ADAM12: variants seen among roughly 807,000 people sequenced by gnomAD.
ADAM12 encodes ADAM metallopeptidase domain 12, also known as disintegrin and metalloproteinase domain-containing protein 12.
Under a neutral mutation model 106.4 loss-of-function variants are expected in ADAM12, and 70 were observed. That is an observed-to-expected ratio of 0.66 (90% confidence interval 0.54 to 0.80). The LOEUF (loss-of-function observed/expected upper bound fraction) is 0.80. Among genes scored for constraint, ADAM12 ranks in the 30% least tolerant of loss-of-function variants. ADAM12 has a pLI of 0.00. For missense variants in ADAM12, 1,010 were observed against 1,171.9 expected (o/e 0.86, Z 2.02); for synonymous variants, 420 against 433.5 (o/e 0.97, Z 0.39).
intron 3 of ADAM12, among the ~76,000 whole-genome samples, chr10:126,261,345 T>C (rs931010245): frequency 1.3e-5 from 2 of 152,086 alleles, no homozygotes; most frequent in South Asian, 2.1e-4. Context: ...TTTTGAAAAA[T>C]TGAGAAAACA....
rs61744009 is a variant in ADAM12, at chr10:126,159,028, G to A, written c.261-3723C>T. On this transcript the variant is annotated intron_variant, in intron 3 of 22. Coordinates refer to ENST00000448723, the MANE Select transcript of ADAM12 (RefSeq NM_001288973.2). ...TCAATAGTCTTAAAAAAGAGCACAC[G>A]GCTGGGCACAGTGGCTCACGCCTGT... is the stretch of plus-strand genomic sequence containing the variant. 5.4e-3 allele frequency among the ~76,000 whole-genome samples: 820 copies of A among 152,248 alleles called. 8 individuals carry two copies. The highest frequency in any genetic ancestry group is 0.018 in the African/African-American group (741 of 41,538).
At chr10:126,310,563 C>CACT (rs1441074382) in intron 2 of ADAM12, among the ~76,000 whole-genome samples, 3 of 152,124 alleles carry the variant, frequency 2.0e-5, no homozygotes, top group African/African-American at 7.2e-5. Context: ...ACACAGCAGC[C>CACT]ACTAAAAGCA....
chr10:126,382,959 T>G (rs1167269229), intron 1 of ADAM12, among the ~76,000 whole-genome samples: 1 of 152,210 alleles, frequency 6.6e-6, no homozygotes, highest in African/African-American at 2.4e-5. Flanking sequence ...TATTTATTTA[T>G]TTTGATACAG....
At chr10:126,220,417 G>A (rs1418362827) in intron 3 of ADAM12, among the ~76,000 whole-genome samples, 1 of 152,118 alleles carries the variant, frequency 6.6e-6, no homozygotes. Flanking sequence ...TGTCATGTTT[G>A]TTGTGCCTGG....
chr10:126,253,253 G>A (rs1422291908), intron 3 of ADAM12, among the ~76,000 whole-genome samples: 3 of 152,012 alleles, frequency 2.0e-5, no homozygotes, highest in Non-Finnish European at 4.4e-5. Flanking sequence ...GACCGAAAGC[G>A]TGAGCATGCA....
At chr10:126,154,295 T>C (rs1956776634) in intron 4 of ADAM12, among the ~76,000 whole-genome samples, 1 of 152,226 alleles carries the variant, frequency 6.6e-6, no homozygotes, top group Non-Finnish European at 1.5e-5. Flanking sequence ...TAGCAAAAAT[T>C]CTTAAATGTT....
chr10:126,344,149 T>C, intron 1 of ADAM12, among the ~76,000 whole-genome samples: 1 of 152,114 alleles, frequency 6.6e-6, no homozygotes, highest in Admixed American at 6.6e-5. Context: ...GTTTTTATGG[T>C]TTTAGGTCTA....
At chr10:126,187,257 T>G (rs1957415550) in intron 3 of ADAM12, among the ~76,000 whole-genome samples, 1 of 152,056 alleles carries the variant, frequency 6.6e-6, no homozygotes, top group South Asian at 2.1e-4. Context: ...TCTGATCGTC[T>G]CTGCATGATT....
chr10:126,289,931 T>C (rs578089574), intron 2 of ADAM12, among the ~76,000 whole-genome samples: 45 of 152,290 alleles, frequency 3.0e-4, no homozygotes, highest in African/African-American at 1.1e-3. Flanking sequence ...CCTTGGAATG[T>C]GTGCATATGT....
intron 8 of ADAM12, among the ~76,000 whole-genome samples, chr10:126,101,700 T>A (rs958352864): frequency 1.3e-5 from 2 of 152,204 alleles, no homozygotes; most frequent in African/African-American, 4.8e-5. Flanking sequence ...TGAAAATGAA[T>A]CTGTATTAAT....
At chr10:126,113,925 G>A (rs1268435956) in intron 6 of ADAM12, among the ~76,000 whole-genome samples, 2 of 151,256 alleles carry the variant, frequency 1.3e-5, no homozygotes, top group Non-Finnish European at 2.9e-5. Flanking sequence ...ATCACAATGA[G>A]ACCACAGCCA....
chr10:126,268,344 G>T (rs934881890), intron 3 of ADAM12, among the ~76,000 whole-genome samples: 2 of 152,156 alleles, frequency 1.3e-5, no homozygotes, highest in African/African-American at 4.8e-5. Context: ...TTCATTTTAC[G>T]TATGCCACAT....
rs147351885 is a variant in ADAM12, at chr10:126,350,383, G to A, written c.89-19874C>T. Among the ~76,000 whole-genome samples the A allele has an allele frequency of 8.5e-3, 1,294 of 152,302 alleles. 18 individuals are homozygous for A. The highest frequency in any genetic ancestry group is 0.03 in the African/African-American group (1,229 of 41,560). On this transcript the variant is annotated intron_variant, in intron 1 of 22. Coordinates refer to ENST00000448723, the MANE Select transcript of ADAM12 (RefSeq NM_001288973.2). Reference sequence around the variant, plus strand: ...TCTTGAAAATACACACCCACACACAGAGTCGGCCAAGCCCGAGTGAAGCAA... The same window carrying A: ...TCTTGAAAATACACACCCACACACAAAGTCGGCCAAGCCCGAGTGAAGCAA...
chr10:126,125,568 T>C lies in ADAM12; in HGVS notation c.417-7344A>G, dbSNP rs1168027175. Among the ~76,000 whole-genome samples the C allele has an allele frequency of 3.3e-5, 5 of 152,136 alleles. No individual in the cohort carries two copies. The East Asian group carries it at 9.7e-4, about 30-fold the overall frequency. On this transcript the variant is annotated intron_variant, in intron 5 of 22. Coordinates refer to ENST00000448723, the MANE Select transcript of ADAM12 (RefSeq NM_001288973.2). ...AGGAATATATTATTTTCTTTAATAT[T>C]TACAGCAATCCTGTAAAGCAGATAA...
chr10:126,362,062 A>G (rs1209574446), intron 1 of ADAM12, among the ~76,000 whole-genome samples: 2 of 152,224 alleles, frequency 1.3e-5, no homozygotes, highest in Non-Finnish European at 2.9e-5. Context: ...TCCAAAATAT[A>G]TAAGGAATTC....
At chr10:126,318,229 C>G (rs1431434356) in intron 2 of ADAM12, among the ~76,000 whole-genome samples, 2 of 152,042 alleles carry the variant, frequency 1.3e-5, no homozygotes, top group Non-Finnish European at 2.9e-5. Flanking sequence ...GTCATACCAT[C>G]TCTCTCACAC....
In ADAM12 at chr10:126,038,288, G is replaced by A. The variant is rs371248054; in HGVS notation, c.2302C>T (p.Leu768Phe). The A allele has an allele frequency of 1.2e-6, 2 of 1,612,160 alleles. No homozygotes were observed. The highest frequency in any genetic ancestry group is 1.7e-5 in the Admixed American group (1 of 59,810). ...FQPCQAHLGH[L>F]GKGLMRKPPD... ...GGCTTCCTCATCAGGCCTTTTCCAA[G>A]GTGGCCGAGGTGAGCCTGACAGGGT... is the stretch of plus-strand genomic sequence containing the variant. Residue 768 changes from leucine (L) to phenylalanine (F), a missense_variant, in exon 20 of 23, where the codon CTT becomes TTT. Coordinates refer to ENST00000448723, the MANE Select transcript of ADAM12 (RefSeq NM_001288973.2).
intron 5 of ADAM12, among the ~76,000 whole-genome samples, chr10:126,120,222 A>G (rs1956060305): frequency 6.6e-6 from 1 of 152,224 alleles, no homozygotes; most frequent in Non-Finnish European, 1.5e-5. Flanking sequence ...AAAGTTCACT[A>G]CAAATCAACT....
At chr10:126,387,710 G>A (rs1856716389) in intron 1 of ADAM12, among the ~76,000 whole-genome samples, 1 of 152,140 alleles carries the variant, frequency 6.6e-6, no homozygotes, top group African/African-American at 2.4e-5. Context: ...GCCAGCAAGA[G>A]GACCCGACAC....
Sources: gnomAD v4.1 joint callset for allele counts (sites outside exome capture counted in the v4.1 genomes callset) on GRCh38, gnomAD v4.1.1 for gene constraint, MANE v1.5 for transcripts, NCBI Gene and HGNC (gene_info 2026-07-23, HGNC 2026-07-21) for gene names.